THSD7B: variants seen among roughly 807,000 people sequenced by gnomAD.
THSD7B encodes the protein thrombospondin type-1 domain-containing protein 7B.
Under a neutral mutation model 213.6 loss-of-function variants are expected in THSD7B, and 138 were observed. That is an observed-to-expected ratio of 0.65 (90% confidence interval 0.56 to 0.74). The LOEUF (loss-of-function observed/expected upper bound fraction) is 0.74. Among genes scored for constraint, THSD7B ranks in the 30% least tolerant of loss-of-function variants. The probability of loss-of-function intolerance (pLI) is 0.00; values close to 1 mark genes in which losing one functional copy is unlikely to be tolerated. For missense variants in THSD7B, 1,931 were observed against 1,991.5 expected (o/e 0.97, Z 0.58); for synonymous variants, 742 against 687.0 (o/e 1.08, Z -1.25).
chr2:136,789,263 G>A (rs1681920729), intron 1 of THSD7B, among the ~76,000 whole-genome samples: 1 of 151,906 alleles, frequency 6.6e-6, no homozygotes, highest in African/African-American at 2.4e-5. Context: ...TTTTTAACAT[G>A]AAAAAGGTGA....
chr2:137,576,176 A>G (rs1054944699), intron 17 of THSD7B, among the ~76,000 whole-genome samples: 2 of 152,050 alleles, frequency 1.3e-5, no homozygotes, highest in African/African-American at 4.8e-5. Context: ...AGTAACACAG[A>G]TTTTCTATTT....
chr2:136,990,170 T>C (rs751089555), intron 2 of THSD7B, among the ~76,000 whole-genome samples: 30 of 152,242 alleles, frequency 2.0e-4, no homozygotes, highest in Non-Finnish European at 4.0e-4. Flanking sequence ...AGTTTATACA[T>C]GTAGTTAACG....
At chr2:137,480,080 A>G (rs1288289293) in intron 15 of THSD7B, among the ~76,000 whole-genome samples, 1 of 152,152 alleles carries the variant, frequency 6.6e-6, no homozygotes, top group Admixed American at 6.5e-5. Context: ...GGCTTGCCTC[A>G]CTTACCTCTC....
rs548201229 is a variant in THSD7B at position 137,405,678 on chromosome 2, G to A, written c.2566G>A (p.Gly856Ser). ...EMMECLKQTN[G>S]MPLLVQECTV... Reference sequence around the variant, plus strand: ...GATGGAATGCCTCAAGCAGACAAACGGCATGCCTCTCCTTGTGCAAGAATG... The same window carrying A: ...GATGGAATGCCTCAAGCAGACAAACAGCATGCCTCTCCTTGTGCAAGAATG... Residue 856 changes from glycine (G) to serine (S), a missense_variant, in exon 13 of 28, where the codon GGC becomes AGC. By Grantham distance (56) the Gly-to-Ser change is moderately conservative. Transcript: ENST00000409968. 14 of 1,613,356 alleles carry A rather than the reference G, an allele frequency of 8.7e-6. No homozygotes were observed. The highest frequency in any genetic ancestry group is 8.3e-5 in the Admixed American group (5 of 59,912).
At chr2:136,810,692 T>G (rs1490597991) in intron 1 of THSD7B, among the ~76,000 whole-genome samples, 1 of 152,242 alleles carries the variant, frequency 6.6e-6, no homozygotes, top group Non-Finnish European at 1.5e-5. Context: ...TGTTACATCC[T>G]TAGTCGTTAT....
At chr2:137,093,258 G>GTATC (rs111952217) in intron 3 of THSD7B, among the ~76,000 whole-genome samples, 43,686 of 151,808 alleles carry the variant, frequency 0.29, 7,501 homozygotes, top group African/African-American at 0.48. Flanking sequence ...CTTGTACCTT[G>GTATC]TATCTACGTT....
intron 2 of THSD7B, among the ~76,000 whole-genome samples, chr2:137,002,537 C>G (rs1686020241): frequency 6.6e-6 from 1 of 152,102 alleles, no homozygotes; most frequent in South Asian, 2.1e-4. Flanking sequence ...AGGCTCTTTT[C>G]CCCCTCAGTT....
chr2:137,447,141 G>C (rs535999234), intron 14 of THSD7B, among the ~76,000 whole-genome samples: 1 of 152,088 alleles, frequency 6.6e-6, no homozygotes, highest in East Asian at 1.9e-4. Context: ...ATTATTTTAT[G>C]CTCATTGAAT....
chr2:137,007,105 A>G (rs985236391), intron 2 of THSD7B, among the ~76,000 whole-genome samples: 8 of 152,182 alleles, frequency 5.3e-5, no homozygotes, highest in African/African-American at 1.9e-4. Context: ...AAACTTTACC[A>G]TGTGGCATCG....
At chr2:137,289,117 C>T (rs12328319) in intron 12 of THSD7B, among the ~76,000 whole-genome samples, 3,663 of 151,816 alleles carry the variant, frequency 0.024, 83 homozygotes, top group Admixed American at 0.06. Context: ...TTTCAAACCT[C>T]GGAAGACAGC....
intron 2 of THSD7B, among the ~76,000 whole-genome samples, chr2:136,895,649 T>C (rs1265861908): frequency 6.6e-6 from 1 of 150,658 alleles, no homozygotes; most frequent in Non-Finnish European, 1.5e-5. Context: ...TATTTACCAA[T>C]TTAAAATGTA....
chr2:136,796,114 T>A (rs973520872), intron 1 of THSD7B, among the ~76,000 whole-genome samples: 2 of 152,020 alleles, frequency 1.3e-5, no homozygotes, highest in Admixed American at 6.6e-5. Flanking sequence ...TTGATTTTTT[T>A]TTTTTAGGTA....
chr2:136,789,614 T>C (rs1215665636), intron 1 of THSD7B, among the ~76,000 whole-genome samples: 1 of 152,134 alleles, frequency 6.6e-6, no homozygotes, highest in East Asian at 1.9e-4. Context: ...AAAGATTTGC[T>C]GTGTGCTCTC....
At chr2:137,618,295 G>A in intron 18 of THSD7B, 97 bp from the exon 19 acceptor site, 1 of 928,990 alleles carries the variant, frequency 1.1e-6, no homozygotes, top group Non-Finnish European at 1.6e-6. Flanking sequence ...ATTATGTGTG[G>A]ATTATTCTCC....
intron 14 of THSD7B, among the ~76,000 whole-genome samples, chr2:137,450,197 T>C (rs1304080795): frequency 6.6e-6 from 1 of 152,146 alleles, no homozygotes; most frequent in Non-Finnish European, 1.5e-5. Flanking sequence ...AGTGAGATTA[T>C]CCAGAGAAAG....
chr2:137,048,306 CAG>C (rs1244761761), intron 2 of THSD7B, among the ~76,000 whole-genome samples: 3 of 151,776 alleles, frequency 2.0e-5, no homozygotes, highest in African/African-American at 7.3e-5. Context: ...TTTTACAGAC[CAG>C]AGTCTCACAG....
intron 12 of THSD7B, among the ~76,000 whole-genome samples, chr2:137,398,210 A>G: frequency 6.7e-6 from 1 of 150,050 alleles, no homozygotes; most frequent in African/African-American, 2.4e-5. Flanking sequence ...CTGGTGAGGA[A>G]CTGCGTTCCT....
At chr2:136,794,745 G>A (rs1317535777) in intron 1 of THSD7B, among the ~76,000 whole-genome samples, 1 of 151,960 alleles carries the variant, frequency 6.6e-6, no homozygotes, top group Non-Finnish European at 1.5e-5. Flanking sequence ...ACATCCTTAA[G>A]TATTTTTGTC....
intron 1 of THSD7B, among the ~76,000 whole-genome samples, chr2:136,822,334 A>AG (rs1163418674): frequency 6.6e-6 from 1 of 152,194 alleles, no homozygotes. Context: ...ACAAAAGCCA[A>AG]GGGGCATCTT....
Sources: allele counts gnomAD v4.1 joint callset (sites outside exome capture counted in the v4.1 genomes callset), GRCh38; gene constraint gnomAD v4.1.1; transcripts MANE v1.5; gene names NCBI Gene and HGNC (gene_info 2026-07-23, HGNC 2026-07-21).